DMXL2: variants seen among roughly 807,000 people sequenced by gnomAD.
DMXL2 encodes Dmx like 2.
DMXL2 carries 103 observed loss-of-function variants against 331.1 expected under a neutral mutation model. That is an observed-to-expected ratio of 0.31 (90% CI 0.27 to 0.37). The LOEUF (loss-of-function observed/expected upper bound fraction) is 0.37. DMXL2 is among the 10% of genes least tolerant of loss of function. DMXL2 has a pLI of 1.00. For synonymous variants in DMXL2, 1,281 were observed against 1,252.1 expected (o/e 1.02, Z -0.49); for missense variants, 3,171 against 3,642.9 (o/e 0.87, Z 3.33).
chr15:51,615,970 A>T lies in DMXL2; in HGVS notation c.87+6489T>A, dbSNP rs115167729. On this transcript the variant is annotated intron_variant, in intron 1 of 43. Transcript: ENST00000560891. ...TACGACTTTTTGAGTTTCTCCTTAG[A>T]TCACAAGAAGAAAACACTACTGATT... 9.6e-3 allele frequency among the ~76,000 whole-genome samples: 1,461 copies of T among 152,316 alleles called. 19 individuals are homozygous for T. Among genetic ancestry groups the T allele is most frequent in the African/African-American group, 0.033 (1,390 of 41,552 alleles).
intron 2 of DMXL2, among the ~76,000 whole-genome samples, chr15:51,575,013 T>C (rs1488583127): frequency 6.6e-6 from 1 of 152,072 alleles, no homozygotes; most frequent in East Asian, 1.9e-4. Context: ...CTAAACTAAG[T>C]GTAAGCAATG....
rs149870762 is a variant in DMXL2, at chr15:51,469,143, T to A, written c.7392+2080A>T. The stretch of plus-strand genomic sequence containing the variant: ...TGAATATGTGATAATATTAAAGAAT[T>A]GTGGGTGTGCTTCTGTGGGTGTAAC... On this transcript the variant is annotated intron_variant, in intron 29 of 43. Transcript: ENST00000560891. Among the ~76,000 whole-genome samples the A allele has an allele frequency of 2.1e-3, 321 of 152,258 alleles. 1 individual carries two copies. Among genetic ancestry groups the A allele is most frequent in the African/African-American group, 7.4e-3 (307 of 41,574 alleles).
chr15:51,448,790 T>C lies in DMXL2; in HGVS notation c.*194A>G, dbSNP rs2038882987. ...ATACAATACTAGGTTTTATTTTTTT[T>C]AGTATGTCAGCATAATAAGGTACAT... On this transcript the variant is annotated 3_prime_UTR_variant, in exon 44 of 44. Coordinates refer to ENST00000560891, the MANE Select transcript of DMXL2 (RefSeq NM_001378457.1). 3.3e-6 allele frequency: 2 copies of C among 606,794 alleles called. No homozygotes were observed. The highest frequency in any genetic ancestry group is 4.3e-5 in the South Asian group (2 of 46,752). The allele number at this position is 606,794 out of a possible 1,614,324, so 37.6% of individuals were successfully genotyped here.
At position 51,474,527 on chromosome 15, in the gene DMXL2, A is replaced by G; in HGVS notation, c.7030T>C (p.Leu2344=). ...ACAGCAACAACAGCTTCACATAGCAAAATGTTCAGTTTTGGCTGGTCTTCA... is the reference window on the plus strand; with the variant it reads ...ACAGCAACAACAGCTTCACATAGCAGAATGTTCAGTTTTGGCTGGTCTTCA... ...QDEDQPKLNI[L]LCEAVVAVYL... The change falls in exon 28 of 44, where the codon TTG becomes CTG. Residue 2344 remains leucine, a synonymous_variant. Coordinates refer to ENST00000560891, the MANE Select transcript of DMXL2 (RefSeq NM_001378457.1). The G allele has an allele frequency of 6.2e-7, 1 of 1,614,164 alleles. No individual in the cohort carries two copies. The highest frequency in any genetic ancestry group is 8.5e-7 in the Non-Finnish European group (1 of 1,179,998).
In DMXL2 at chr15:51,515,647, C is replaced by T. The variant is rs149298559; in HGVS notation, c.2527-1088G>A. ...GAACAAACCTAGAAAGAATTTTAAA[C>T]TTTGTCATTCATTATTGCTTACAGT... On this transcript the variant is annotated intron_variant, in intron 14 of 43. Coordinates refer to ENST00000560891, the MANE Select transcript of DMXL2 (RefSeq NM_001378457.1). Among the ~76,000 whole-genome samples, 875 of 152,194 alleles carry T rather than the reference C, an allele frequency of 5.7e-3. 6 individuals are homozygous for T. Among genetic ancestry groups the T allele is most frequent in the African/African-American group, 0.02 (840 of 41,532 alleles).
In DMXL2 at chr15:51,486,077, A is replaced by T. The variant is rs2042376378; in HGVS notation, c.5478T>A (p.His1826Gln). 1 of 1,590,828 alleles carries T rather than the reference A, an allele frequency of 6.3e-7. No individual in the cohort carries two copies. Among genetic ancestry groups the T allele is most frequent in the East Asian group, 2.3e-5 (1 of 44,444 alleles). The change falls in exon 23 of 44, where the codon CAT (histidine) becomes CAA (glutamine). Residue 1826 changes from histidine (H) to glutamine (Q), a missense_variant. Coordinates refer to ENST00000560891, the MANE Select transcript of DMXL2 (RefSeq NM_001378457.1). ...GAAATCCACAAAACGTCCTACCTTG[A>T]TGTTCATCATCCTCCTTTGGTGTTT... ...LEQTPKEDDE[H>Q]QVIIKSCNPV... is the part of the protein sequence containing the mutation.
At chr15:51,572,411 G>C (rs2050737313) in intron 2 of DMXL2, among the ~76,000 whole-genome samples, 1 of 152,172 alleles carries the variant, frequency 6.6e-6, no homozygotes, top group East Asian at 1.9e-4. Context: ...TAAAAAAAGA[G>C]GGAATCCTCC....
At chr15:51,616,804 G>A (rs1171922527) in intron 1 of DMXL2, among the ~76,000 whole-genome samples, 2 of 151,980 alleles carry the variant, frequency 1.3e-5, no homozygotes, top group African/African-American at 2.4e-5. Context: ...TGGCATGGTG[G>A]CACGCACCTG....
intron 15 of DMXL2, among the ~76,000 whole-genome samples, chr15:51,512,875 G>A (rs1275448552): frequency 2.6e-5 from 4 of 151,566 alleles, no homozygotes; most frequent in Non-Finnish European, 5.9e-5. Context: ...GACAAAGCAA[G>A]TGTGATAAAA....
chr15:51,620,333 C>T (rs1480393559), intron 1 of DMXL2, among the ~76,000 whole-genome samples: 1 of 152,142 alleles, frequency 6.6e-6, no homozygotes, highest in East Asian at 1.9e-4. Flanking sequence ...ACCAAAATAA[C>T]AGTGTCACAG....
intron 13 of DMXL2, among the ~76,000 whole-genome samples, chr15:51,521,458 A>AGTAGTAGTG (rs1555427546): frequency 1.4e-5 from 2 of 146,588 alleles, no homozygotes; most frequent in Admixed American, 6.8e-5. Context: ...TAGTAGTAGT[A>AGTAGTAGTG]GTAGTGGTAG....
In DMXL2 at chr15:51,517,035, G is replaced by A. The variant is rs770436071; in HGVS notation, c.2526+43C>T. ...ATCATATACATATAAAACACCATGG[G>A]ATAAAGTATACGAATATCACCAATT... On this transcript the variant is annotated intron_variant, in intron 14 of 43. Coordinates refer to ENST00000560891, the MANE Select transcript of DMXL2 (RefSeq NM_001378457.1). The A allele has an allele frequency of 2.7e-6, 4 of 1,458,818 alleles. No homozygotes were observed. The African/African-American group carries it at 5.6e-5, about 20-fold the overall frequency. 90.4% of individuals were successfully genotyped at this position (1,458,818 alleles called of 1,614,324 possible). A position where few individuals can be genotyped will look rare whatever the true frequency, so the allele number is the denominator to read the frequency against.
intron 13 of DMXL2, among the ~76,000 whole-genome samples, chr15:51,532,347 G>A (rs1197387707): frequency 6.6e-6 from 1 of 152,138 alleles, no homozygotes; most frequent in Non-Finnish European, 1.5e-5. Flanking sequence ...TGGACCCATA[G>A]AGATAGAGTA....
At chr15:51,465,489 T>C (rs2040490630) in intron 31 of DMXL2, 77 bp downstream of exon 31, 3 of 1,030,618 alleles carry the variant, frequency 2.9e-6, no homozygotes, top group Non-Finnish European at 4.5e-6. Flanking sequence ...AATGACCTTA[T>C]ATATAGATTT....
chr15:51,571,153 A>G (rs944391956), intron 2 of DMXL2, among the ~76,000 whole-genome samples: 1 of 152,238 alleles, frequency 6.6e-6, no homozygotes, highest in Non-Finnish European at 1.5e-5. Context: ...CTGATAAAAC[A>G]GACTTTAAAT....
intron 33 of DMXL2, among the ~76,000 whole-genome samples, chr15:51,461,490 C>A (rs2040118056): frequency 1.3e-5 from 2 of 152,178 alleles, no homozygotes; most frequent in African/African-American, 2.4e-5. Context: ...GAACAAAACA[C>A]TCAGAAAATT....
intron 6 of DMXL2, among the ~76,000 whole-genome samples, chr15:51,557,688 A>G (rs1257805066): frequency 6.6e-6 from 1 of 152,230 alleles, no homozygotes; most frequent in African/African-American, 2.4e-5. Context: ...AGACCAATGA[A>G]CTAGAGAAAA....
chr15:51,621,758 T>G (rs2054641616), intron 1 of DMXL2, among the ~76,000 whole-genome samples: 1 of 152,130 alleles, frequency 6.6e-6, no homozygotes, highest in African/African-American at 2.4e-5. Context: ...AAAAAAAGGC[T>G]ACCTTACAGA....
intron 18 of DMXL2, 69 bp downstream of exon 18, chr15:51,498,483 G>A: frequency 1.4e-6 from 2 of 1,455,198 alleles, no homozygotes; most frequent in Non-Finnish European, 1.9e-6. Flanking sequence ...CAGTAAATGA[G>A]TCAGTATAGA....
Sources: gnomAD v4.1 joint callset for allele counts (sites outside exome capture counted in the v4.1 genomes callset) on GRCh38, gnomAD v4.1.1 for gene constraint, MANE v1.5 for transcripts, NCBI Gene and HGNC (gene_info 2026-07-23, HGNC 2026-07-21) for gene names.